Variants in SLC39A11 observed in about 807,000 individuals in gnomAD.
The protein encoded by SLC39A11 is solute carrier family 39 member 11, also known as zinc transporter ZIP11.
SLC39A11 carries 33 observed loss-of-function variants against 36.1 expected under a neutral mutation model. The observed-to-expected ratio is 0.91, with a 90% CI of 0.69 to 1.22. The LOEUF (loss-of-function observed/expected upper bound fraction) is 1.22, where lower values mean the gene tolerates loss of function less well. Among genes scored for constraint, SLC39A11 ranks in the 50% most tolerant of loss-of-function variants. The pLI is 0.00. For missense variants in SLC39A11, 432 were observed against 430.3 expected, an observed-to-expected ratio of 1.00 and a Z score of -0.03; for synonymous variants, 166 against 170.3, an observed-to-expected ratio of 0.97 and a Z score of 0.20.
intron 7 of SLC39A11, among the ~76,000 whole-genome samples, chr17:72,665,510 C>G (rs2070713967): frequency 6.7e-6 from 1 of 149,850 alleles, no homozygotes; most frequent in African/African-American, 2.5e-5. Flanking sequence ...CCCATCTCAG[C>G]CTCTGAAGAC....
At chr17:72,695,863 TC>T (rs2072271273) in intron 7 of SLC39A11, among the ~76,000 whole-genome samples, 1 of 152,192 alleles carries the variant, frequency 6.6e-6, no homozygotes, top group Admixed American at 6.5e-5. Context: ...GGAAGGGTCC[TC>T]CTTCCAGAGC....
chr17:72,768,944 T>C (rs1187083873), intron 6 of SLC39A11, among the ~76,000 whole-genome samples: 3 of 152,072 alleles, frequency 2.0e-5, no homozygotes, highest in Non-Finnish European at 4.4e-5. Flanking sequence ...GTATTTTTAG[T>C]AGAGATGGGG....
chr17:72,927,569 A>G (rs2084121645), intron 5 of SLC39A11, among the ~76,000 whole-genome samples: 1 of 152,208 alleles, frequency 6.6e-6, no homozygotes, highest in Non-Finnish European at 1.5e-5. Context: ...AGTATCTCAA[A>G]TATTTCAGTA....
chr17:72,774,880 T>G (rs1244112176), intron 6 of SLC39A11, among the ~76,000 whole-genome samples: 1 of 152,142 alleles, frequency 6.6e-6, no homozygotes, highest in Non-Finnish European at 1.5e-5. Context: ...TAGGATGACT[T>G]GGAGCGCAGA....
intron 3 of SLC39A11, among the ~76,000 whole-genome samples, chr17:73,045,942 G>A (rs8081534): frequency 0.74 from 111,750 of 151,996 alleles, 41,276 homozygotes; most frequent in East Asian, 0.88. Context: ...CTGTTGATGG[G>A]CATCGCACCA....
At chr17:72,818,989 T>C (rs1382222837) in intron 6 of SLC39A11, 1 of 152,092 alleles carries the variant, frequency 6.6e-6, no homozygotes, top group African/African-American at 2.4e-5. Context: ...TATAAGGTTT[T>C]TTTTAAAAAA....
chr17:72,689,101 C>T (rs2071893683), intron 7 of SLC39A11, among the ~76,000 whole-genome samples: 1 of 152,160 alleles, frequency 6.6e-6, no homozygotes, highest in African/African-American at 2.4e-5. Context: ...AGCCCCTTGC[C>T]AATCAAAAAT....
chr17:72,958,613 G>A (rs2086395855), intron 4 of SLC39A11, among the ~76,000 whole-genome samples: 1 of 152,208 alleles, frequency 6.6e-6, no homozygotes. Flanking sequence ...CACTTTGCGA[G>A]GCCAAGGAAG....
chr17:72,829,101 C>G (rs564929832), intron 6 of SLC39A11, among the ~76,000 whole-genome samples: 1 of 152,208 alleles, frequency 6.6e-6, no homozygotes, highest in African/African-American at 2.4e-5. Flanking sequence ...CCTGTAATCC[C>G]AGCACTTTGA....
intron 4 of SLC39A11, among the ~76,000 whole-genome samples, chr17:72,953,820 G>A (rs553352669): frequency 1.3e-5 from 2 of 152,320 alleles, no homozygotes; most frequent in Non-Finnish European, 2.9e-5. Flanking sequence ...GTGAGTCATT[G>A]CTACTAACAA....
At chr17:72,944,422 C>T (rs539631299) in intron 5 of SLC39A11, among the ~76,000 whole-genome samples, 1 of 152,266 alleles carries the variant, frequency 6.6e-6, no homozygotes, top group Admixed American at 6.5e-5. Flanking sequence ...CTCAACTTGA[C>T]AGCTGAGTGG....
chr17:72,959,325 GTATATATATATATA>G (rs1186282631), intron 4 of SLC39A11, among the ~76,000 whole-genome samples: 45 of 65,544 alleles, frequency 6.9e-4, no homozygotes, highest in Middle Eastern at 0.013. Flanking sequence ...GTGTGTGTGT[GTATATATATATATA>G]TATATATATA....
At chr17:72,760,716 C>G (rs1190298601) in intron 6 of SLC39A11, among the ~76,000 whole-genome samples, 1 of 152,172 alleles carries the variant, frequency 6.6e-6, no homozygotes, top group Non-Finnish European at 1.5e-5. Context: ...CAGATATTCA[C>G]GACCAAGGAA....
intron 3 of SLC39A11, among the ~76,000 whole-genome samples, chr17:73,046,769 C>T (rs1266368349): frequency 6.6e-6 from 1 of 151,892 alleles, no homozygotes; most frequent in Non-Finnish European, 1.5e-5. Flanking sequence ...TGGCAAAACC[C>T]CATCTCCACT....
intron 6 of SLC39A11, among the ~76,000 whole-genome samples, chr17:72,770,408 C>T (rs2075892346): frequency 6.6e-6 from 1 of 152,128 alleles, no homozygotes; most frequent in African/African-American, 2.4e-5. Context: ...GGTTGTAGGC[C>T]CATTCCAGTG....
chr17:73,041,031 C>G (rs1337254205), intron 3 of SLC39A11, among the ~76,000 whole-genome samples: 1 of 146,960 alleles, frequency 6.8e-6, no homozygotes, highest in Non-Finnish European at 1.5e-5. Flanking sequence ...ACAGTATTAA[C>G]AGTATCACTT....
chr17:72,712,122 C>G (rs2073126950), intron 7 of SLC39A11, among the ~76,000 whole-genome samples: 1 of 152,192 alleles, frequency 6.6e-6, no homozygotes, highest in Non-Finnish European at 1.5e-5. Context: ...TCAGAAGACT[C>G]AAAGTTGTTG....
chr17:72,714,979 T>C (rs1055478383), intron 7 of SLC39A11, among the ~76,000 whole-genome samples: 5 of 152,224 alleles, frequency 3.3e-5, no homozygotes, highest in Admixed American at 3.3e-4. Flanking sequence ...TCACCTCGCA[T>C]CTTGCATCCA....
intron 6 of SLC39A11, among the ~76,000 whole-genome samples, chr17:72,779,417 T>C (rs56737092): frequency 0.039 from 5,968 of 151,250 alleles, 371 homozygotes; most frequent in African/African-American, 0.13. Context: ...AGAGTGAGAG[T>C]CAGTCTCAAA....
Sources: gnomAD v4.1 joint callset for allele counts (sites outside exome capture counted in the v4.1 genomes callset) on GRCh38, gnomAD v4.1.1 for gene constraint, MANE v1.5 for transcripts, NCBI Gene and HGNC (gene_info 2026-07-23, HGNC 2026-07-21) for gene names.